Variants in SPINK4 observed in about 807,000 individuals in gnomAD.
The protein encoded by SPINK4 is serine protease inhibitor Kazal-type 4.
In SPINK4, 10 loss-of-function variants were observed where a neutral mutation model predicts 12.3. The ratio of observed to expected loss-of-function variants is 0.81; its 90% confidence interval spans 0.50 to 1.37. SPINK4 has a LOEUF of 1.37. Ranked by LOEUF, SPINK4 falls within the 40% of genes most tolerant of loss-of-function variation. The probability of loss-of-function intolerance (pLI) is 0.00; values close to 1 mark genes in which losing one functional copy is unlikely to be tolerated. For missense variants in SPINK4, 91 were observed against 109.0 expected (o/e 0.84, Z 0.73); for synonymous variants, 37 against 40.2 (o/e 0.92, Z 0.30).
At chr9:33,241,026 G>C (rs893416214) in intron 1 of SPINK4, among the ~76,000 whole-genome samples, 1 of 152,200 alleles carries the variant, frequency 6.6e-6, no homozygotes, top group South Asian at 2.1e-4. Flanking sequence ...GCACTGGAAG[G>C]GGGTTGCAAT....
At chr9:33,241,351 A>G (rs1197451570) in intron 1 of SPINK4, among the ~76,000 whole-genome samples, 2 of 152,208 alleles carry the variant, frequency 1.3e-5, no homozygotes, top group East Asian at 1.9e-4. Context: ...GAAAGCTTTG[A>G]GCAGAGAGTT....
chr9:33,243,284 G>A (rs190834042), intron 1 of SPINK4, among the ~76,000 whole-genome samples: 432 of 152,170 alleles, frequency 2.8e-3, no homozygotes, highest in Non-Finnish European at 4.4e-3. Context: ...TGTTGGTCAG[G>A]CTGGTCTCGA....
intron 1 of SPINK4, among the ~76,000 whole-genome samples, chr9:33,240,997 A>T (rs1039250798): frequency 6.6e-6 from 1 of 152,246 alleles, no homozygotes; most frequent in African/African-American, 2.4e-5. Context: ...TAAGGAAAAA[A>T]TACTTGGCAG....
intron 1 of SPINK4, among the ~76,000 whole-genome samples, chr9:33,240,999 A>G (rs1160193189): frequency 6.6e-6 from 1 of 152,224 alleles, no homozygotes; most frequent in Non-Finnish European, 1.5e-5. Context: ...AGGAAAAAAT[A>G]CTTGGCAGGG....
At chr9:33,241,958 C>T (rs1478681553) in intron 1 of SPINK4, among the ~76,000 whole-genome samples, 2 of 152,078 alleles carry the variant, frequency 1.3e-5, no homozygotes, top group African/African-American at 2.4e-5. Context: ...TGGCTCACTG[C>T]AACCTCTGCC....
intron 1 of SPINK4, 150 bp from the exon 2 acceptor site, chr9:33,244,962 C>T: frequency 1.5e-6 from 1 of 653,840 alleles, no homozygotes; most frequent in Non-Finnish European, 2.6e-6. Context: ...TTCTGGCAGC[C>T]CCATTGTCTG....
At chr9:33,242,128 T>C (rs1253071470) in intron 1 of SPINK4, among the ~76,000 whole-genome samples, 1 of 152,178 alleles carries the variant, frequency 6.6e-6, no homozygotes, top group African/African-American at 2.4e-5. Flanking sequence ...TTTGCCCGCC[T>C]CGGCTTCCCA....
chr9:33,240,958 TA>T (rs1353250576), intron 1 of SPINK4, among the ~76,000 whole-genome samples: 2 of 152,328 alleles, frequency 1.3e-5, no homozygotes, highest in Non-Finnish European at 1.5e-5. Flanking sequence ...CAATGTATGT[TA>T]AACGGTATGT....
intron 1 of SPINK4, among the ~76,000 whole-genome samples, chr9:33,242,282 A>G (rs145888932): frequency 2.6e-5 from 4 of 152,290 alleles, no homozygotes; most frequent in East Asian, 3.9e-4. Flanking sequence ...TGACCCAGTG[A>G]GTGGGACAGT....
Position 33,246,675 on chromosome 9 carries a change from C to T in SPINK4, c.162C>T (p.Cys54=), listed in dbSNP as rs756609877. The part of the protein sequence containing the change: ...PTCSQMSNLV[C]GTDGLTYTNE... ...GTTCCCAGATGTCCAACCTGGTCTG[C>T]GGCACTGATGGGCTCACATATACGA... The change falls in exon 3 of 4, where the codon TGC becomes TGT. Residue 54 remains cysteine, a synonymous_variant. Transcript: ENST00000379721. The T allele has an allele frequency of 2.2e-5, 36 of 1,613,922 alleles. No homozygotes were observed. The highest frequency in any genetic ancestry group is 4.5e-5 in the East Asian group (2 of 44,878).
intron 1 of SPINK4, among the ~76,000 whole-genome samples, chr9:33,241,437 C>T (rs965672510): frequency 6.6e-6 from 1 of 152,132 alleles, no homozygotes; most frequent in Non-Finnish European, 1.5e-5. Flanking sequence ...AGTTAGGACC[C>T]GCCTGGACAA....
chr9:33,246,345 C>G (rs192409342), intron 2 of SPINK4, among the ~76,000 whole-genome samples: 1 of 152,276 alleles, frequency 6.6e-6, no homozygotes, highest in Non-Finnish European at 1.5e-5. Flanking sequence ...CACAGGCATA[C>G]GCTTGAATGC....
chr9:33,247,621 T>C (rs1482431200), intron 3 of SPINK4, among the ~76,000 whole-genome samples: 1 of 152,144 alleles, frequency 6.6e-6, no homozygotes, highest in Non-Finnish European at 1.5e-5. Flanking sequence ...AAGTTGGACA[T>C]GTTGGAGTAT....
chr9:33,242,452 A>G (rs1820246800), intron 1 of SPINK4, among the ~76,000 whole-genome samples: 1 of 68,754 alleles, frequency 1.5e-5, no homozygotes, highest in African/African-American at 1.9e-4. Context: ...GGGACATGGC[A>G]TGAGCCAAAG....
At chr9:33,240,316 G>T in intron 1 of SPINK4, 47 bp downstream of exon 1, 1 of 1,545,190 alleles carries the variant, frequency 6.5e-7, no homozygotes, top group Non-Finnish European at 8.7e-7. Flanking sequence ...GTTGGTAGGT[G>T]AGCTTGGGGT....
chr9:33,245,055 C>T lies in SPINK4; in HGVS notation c.62-57C>T, dbSNP rs1459932190. ...CCTGAAGCAGAAGCAGTCCTCAGAC[C>T]CCTAGACCTGGGGTCTAGAGCCGGC... On this transcript the variant is annotated intron_variant, in intron 1 of 3. Coordinates refer to ENST00000379721, the MANE Select transcript of SPINK4 (RefSeq NM_014471.3). 3.8e-6 allele frequency: 6 copies of T among 1,583,776 alleles called. No homozygotes were observed. In the South Asian group the frequency reaches 6.8e-5, roughly 18 times the overall value.
chr9:33,244,434 C>T (rs1178755296), intron 1 of SPINK4, among the ~76,000 whole-genome samples: 4 of 152,146 alleles, frequency 2.6e-5, no homozygotes, highest in African/African-American at 9.7e-5. Flanking sequence ...GAGTAACATC[C>T]ATGAAGGATG....
intron 1 of SPINK4, among the ~76,000 whole-genome samples, chr9:33,242,100 G>A (rs1023409910): frequency 2.6e-5 from 4 of 152,094 alleles, no homozygotes; most frequent in Non-Finnish European, 5.9e-5. Context: ...GGCTGGTCTC[G>A]AACTTCCAAC....
chr9:33,247,456 C>T lies in SPINK4; in HGVS notation c.215+728C>T, dbSNP rs536207198. Among the ~76,000 whole-genome samples the T allele has an allele frequency of 9.2e-5, 14 of 152,160 alleles. No homozygotes were observed. The South Asian group carries it at 1.7e-3, about 18-fold the overall frequency. The stretch of plus-strand genomic sequence containing the variant: ...GTGCTAGGATTACAGGCATGAGCCA[C>T]CGTGCCCGGCCTTCAGCACAGAATT... On this transcript the variant is annotated intron_variant, in intron 3 of 3. Coordinates refer to ENST00000379721, the MANE Select transcript of SPINK4 (RefSeq NM_014471.3).
Sources: gnomAD v4.1 joint callset for allele counts (sites outside exome capture counted in the v4.1 genomes callset) on GRCh38, gnomAD v4.1.1 for gene constraint, MANE v1.5 for transcripts, NCBI Gene and HGNC (gene_info 2026-07-23, HGNC 2026-07-21) for gene names.